TENM1: variants seen among roughly 807,000 people sequenced by gnomAD.
TENM1 encodes the protein teneurin transmembrane protein 1, also known as teneurin-1.
Under a neutral mutation model 174.8 loss-of-function variants are expected in TENM1, and 35 were observed. The ratio of observed to expected loss-of-function variants is 0.20; its 90% confidence interval spans 0.15 to 0.27. TENM1 has a LOEUF of 0.27. Ranked by LOEUF, TENM1 falls within the 10% of genes least tolerant of loss-of-function variation. The probability of loss-of-function intolerance (pLI) is 1.00; values close to 1 mark genes in which losing one functional copy is unlikely to be tolerated. For synonymous variants in TENM1, 781 were observed against 798.7 expected (o/e 0.98, Z 0.37); for missense variants, 1,633 against 2,130.1 (o/e 0.77, Z 4.59).
chrX:124,394,725 A>G (rs955471249), intron 27 of TENM1, among the ~76,000 whole-genome samples: 2 of 112,588 alleles, frequency 1.8e-5, no homozygotes, highest in Admixed American at 9.4e-5. Context: ...CTTTTTTGGC[A>G]TAATCTCTGT....
At chrX:124,380,958 C>G in exon 32 of TENM1, 1 of 1,211,411 alleles carries the variant, frequency 8.3e-7, no homozygotes. Context: ...CCGATGAGCA[C>G]CAGGTCTTCC....
At chrX:124,512,589 C>T (rs2047608543) in intron 18 of TENM1, among the ~76,000 whole-genome samples, 1 of 111,567 alleles carries the variant, frequency 9.0e-6, no homozygotes, top group Admixed American at 9.5e-5. Context: ...ACTGATACTT[C>T]TCCAAGGAAG....
rs5956677 is a variant in TENM1, at chrX:124,690,040, G to A, written c.1015+14973C>T. 1.8e-3 allele frequency among the ~76,000 whole-genome samples: 199 copies of A among 111,578 alleles called. 2 individuals are homozygous for A. Among genetic ancestry groups the A allele is most frequent in the African/African-American group, 6.2e-3 (192 of 30,756 alleles). ...GGATGAGACTATGATTATGCATAAA[G>A]GGACCTACATGAGTTAAAGTAGAAC... On this transcript the variant is annotated intron_variant, in intron 5 of 31. Coordinates refer to ENST00000422452, the Ensembl canonical transcript of TENM1.
the TENM1 span, among the ~76,000 whole-genome samples, chrX:125,150,670 G>T: frequency 8.9e-6 from 1 of 112,376 alleles, no homozygotes; most frequent in Non-Finnish European, 1.9e-5. Context: ...TTCAAAGCTA[G>T]TTAGTATTTA....
At chrX:124,602,315 C>T (rs2050047777) in intron 11 of TENM1, among the ~76,000 whole-genome samples, 1 of 110,671 alleles carries the variant, frequency 9.0e-6, no homozygotes, top group African/African-American at 3.3e-5. Flanking sequence ...GAAGATTTAA[C>T]TGGAAGTTTC....
chrX:124,944,901 A>G (rs1054139913), intron 1 of TENM1, among the ~76,000 whole-genome samples: 1 of 111,190 alleles, frequency 9.0e-6, no homozygotes, highest in African/African-American at 3.3e-5. Context: ...TAGGGTGACC[A>G]TAATGTCTCA....
At chrX:124,397,230 A>G (rs2060345171) in intron 27 of TENM1, among the ~76,000 whole-genome samples, 2 of 112,266 alleles carry the variant, frequency 1.8e-5, no homozygotes, top group South Asian at 3.7e-4. Flanking sequence ...CTAATTGTTC[A>G]AGAGAAAATC....
chrX:124,867,603 A>G (rs958499843), intron 3 of TENM1, among the ~76,000 whole-genome samples: 4 of 112,234 alleles, frequency 3.6e-5, no homozygotes, highest in African/African-American at 1.3e-4. Flanking sequence ...CACTGTTACC[A>G]CTGTTATTCA....
At chrX:124,847,713 T>G (rs1020412654) in intron 3 of TENM1, among the ~76,000 whole-genome samples, 2 of 111,678 alleles carry the variant, frequency 1.8e-5, no homozygotes, top group African/African-American at 3.3e-5. Flanking sequence ...CTGCAGCATT[T>G]GTAATTACTT....
intron 11 of TENM1, among the ~76,000 whole-genome samples, chrX:124,641,176 C>G (rs1020317415): frequency 9.0e-6 from 1 of 110,932 alleles, no homozygotes; most frequent in Admixed American, 9.6e-5. Flanking sequence ...GGCAAAGGAA[C>G]GATTTATGCA....
intron 15 of TENM1, among the ~76,000 whole-genome samples, chrX:124,543,609 G>T (rs185398982): frequency 8.9e-6 from 1 of 112,331 alleles, no homozygotes; most frequent in African/African-American, 3.2e-5. Context: ...GATCAATAAT[G>T]CTTCTGTTCA....
chrX:124,884,003 T>C, intron 3 of TENM1, among the ~76,000 whole-genome samples: 1 of 110,975 alleles, frequency 9.0e-6, no homozygotes, highest in Admixed American at 9.5e-5. Flanking sequence ...GGTGGAATGC[T>C]TGGGTAGGGG....
intron 11 of TENM1, among the ~76,000 whole-genome samples, chrX:124,593,876 G>A (rs964486413): frequency 7.1e-5 from 8 of 111,931 alleles, no homozygotes; most frequent in African/African-American, 2.6e-4. Flanking sequence ...GGTGCTTTCC[G>A]TAGTTCTGGC....
intron 1 of TENM1, among the ~76,000 whole-genome samples, chrX:124,950,921 A>C (rs2058473420): frequency 8.9e-6 from 1 of 111,834 alleles, no homozygotes; most frequent in South Asian, 3.7e-4. Context: ...AAGTCTGTTT[A>C]GTTTGTTAAA....
chrX:124,384,319 G>A (rs1569528404), exon 30 of TENM1: 1 of 1,209,185 alleles, frequency 8.3e-7, no homozygotes, highest in Non-Finnish European at 1.1e-6. Flanking sequence ...GGTCTCGGAG[G>A]TCATATCGGA....
the TENM1 span, among the ~76,000 whole-genome samples, chrX:125,048,636 T>A: frequency 1.8e-5 from 2 of 111,105 alleles, no homozygotes; most frequent in South Asian, 7.6e-4. Context: ...GGGTGAAGGT[T>A]GTTAGTAAGA....
the TENM1 span, among the ~76,000 whole-genome samples, chrX:124,974,175 C>T: frequency 2.7e-5 from 3 of 111,609 alleles, no homozygotes; most frequent in Non-Finnish European, 3.8e-5. Context: ...ACAACAGACC[C>T]ACTCTCTTGA....
chrX:124,848,775 A>T (rs780537173), intron 3 of TENM1, among the ~76,000 whole-genome samples: 22 of 111,350 alleles, frequency 2.0e-4, no homozygotes, highest in Non-Finnish European at 3.8e-4. Flanking sequence ...ACTGTCATAG[A>T]TATTCAAGAA....
chrX:124,589,869 T>C (rs538978705), intron 11 of TENM1, among the ~76,000 whole-genome samples: 4 of 111,752 alleles, frequency 3.6e-5, no homozygotes, highest in African/African-American at 9.7e-5. Context: ...TAACTAACTT[T>C]TGGTTTTGTT....
Sources: gnomAD v4.1 joint callset for allele counts (sites outside exome capture counted in the v4.1 genomes callset) on GRCh38, gnomAD v4.1.1 for gene constraint, MANE v1.5 for transcripts, NCBI Gene and HGNC (gene_info 2026-07-23, HGNC 2026-07-21) for gene names.